CCSER1: variants seen among roughly 807,000 people sequenced by gnomAD.
CCSER1 encodes the protein coiled-coil serine rich protein 1, also known as serine-rich coiled-coil domain-containing protein 1.
CCSER1 carries 41 observed loss-of-function variants against 82.0 expected under a neutral mutation model. The ratio of observed to expected loss-of-function variants is 0.50; its 90% CI spans 0.39 to 0.65. The LOEUF (loss-of-function observed/expected upper bound fraction) is 0.65, where lower values mean the gene tolerates loss of function less well. CCSER1 is among the 30% of genes least tolerant of loss of function. CCSER1 has a pLI of 0.00. For missense variants in CCSER1, 1,119 were observed against 1,064.2 expected, an observed-to-expected ratio of 1.05 and a Z score of -0.72; for synonymous variants, 414 against 383.9, an observed-to-expected ratio of 1.08 and a Z score of -0.92.
At chr4:90,381,564 C>T (rs1233114916) in intron 3 of CCSER1, among the ~76,000 whole-genome samples, 1 of 151,812 alleles carries the variant, frequency 6.6e-6, no homozygotes, top group East Asian at 1.9e-4. Context: ...CATAGAATAC[C>T]ATGGTGTACA....
chr4:90,998,710 T>G (rs1270324948), intron 9 of CCSER1, among the ~76,000 whole-genome samples: 1 of 135,064 alleles, frequency 7.4e-6, no homozygotes, highest in African/African-American at 2.7e-5. Context: ...TAAATCTAAT[T>G]TAGCATTACA....
chr4:90,835,827 C>T (rs879649405), intron 8 of CCSER1, among the ~76,000 whole-genome samples: 2 of 152,102 alleles, frequency 1.3e-5, no homozygotes, highest in South Asian at 2.1e-4. Context: ...GAGACTTTTG[C>T]TGCAGTCTAC....
chr4:90,228,904 G>C (rs1743833010), intron 1 of CCSER1, among the ~76,000 whole-genome samples: 1 of 152,180 alleles, frequency 6.6e-6, no homozygotes, highest in African/African-American at 2.4e-5. Flanking sequence ...AATGAAGCAA[G>C]AAGGGAACTT....
chr4:90,930,083 A>G (rs1022466677), intron 9 of CCSER1, among the ~76,000 whole-genome samples: 10 of 152,212 alleles, frequency 6.6e-5, no homozygotes, highest in Non-Finnish European at 2.9e-5. Context: ...AATAGTAATA[A>G]TAGATATCAT....
At chr4:90,816,063 G>A (rs1391577049) in intron 8 of CCSER1, among the ~76,000 whole-genome samples, 1 of 152,132 alleles carries the variant, frequency 6.6e-6, no homozygotes, top group Non-Finnish European at 1.5e-5. Context: ...AAATGTATAT[G>A]GTTCCAGAAA....
At chr4:91,502,433 C>A (rs1759257164) in intron 10 of CCSER1, among the ~76,000 whole-genome samples, 1 of 152,066 alleles carries the variant, frequency 6.6e-6, no homozygotes, top group Admixed American at 6.6e-5. Context: ...CAAACATATT[C>A]TTGGCATATA....
intron 1 of CCSER1, among the ~76,000 whole-genome samples, chr4:90,137,269 A>G (rs1049295308): frequency 6.6e-6 from 1 of 152,238 alleles, no homozygotes; most frequent in South Asian, 2.1e-4. Context: ...AAACATTATG[A>G]CTAAAATTGT....
intron 8 of CCSER1, among the ~76,000 whole-genome samples, chr4:90,912,735 C>A (rs1032441583): frequency 6.6e-6 from 1 of 151,980 alleles, no homozygotes; most frequent in Non-Finnish European, 1.5e-5. Context: ...AGTTAAAAAC[C>A]TTGAAAAAAG....
At chr4:90,253,393 A>G (rs1165318930) in intron 1 of CCSER1, among the ~76,000 whole-genome samples, 3 of 152,132 alleles carry the variant, frequency 2.0e-5, no homozygotes, top group South Asian at 2.1e-4. Flanking sequence ...TGTGCTAGCA[A>G]TGAATTCTGT....
chr4:90,442,361 C>T (rs2153573380), intron 4 of CCSER1, among the ~76,000 whole-genome samples: 1 of 152,072 alleles, frequency 6.6e-6, no homozygotes, highest in East Asian at 1.9e-4. Context: ...TACTGGTGAA[C>T]TCTAGGATTG....
At chr4:90,585,385 T>G (rs191847948) in intron 5 of CCSER1, among the ~76,000 whole-genome samples, 1,659 of 152,292 alleles carry the variant, frequency 0.011, 15 homozygotes, top group Non-Finnish European at 0.016. Context: ...ACATGATAGT[T>G]AAATCTTGAT....
chr4:91,489,326 G>A (rs879027972), intron 10 of CCSER1, among the ~76,000 whole-genome samples: 1 of 152,136 alleles, frequency 6.6e-6, no homozygotes. Context: ...ATTTTATTCT[G>A]AGTAATACGG....
intron 9 of CCSER1, among the ~76,000 whole-genome samples, chr4:90,937,480 A>AAAACACACACACACAC (rs1731083859): frequency 6.8e-6 from 1 of 146,034 alleles, no homozygotes; most frequent in East Asian, 2.0e-4. Flanking sequence ...TCTAATTTGA[A>AAAACACACACACACAC]ACACACACAC....
At chr4:90,493,431 C>T (rs1022641623) in intron 5 of CCSER1, among the ~76,000 whole-genome samples, 10 of 152,014 alleles carry the variant, frequency 6.6e-5, no homozygotes, top group African/African-American at 1.4e-4. Flanking sequence ...AGATACTCCT[C>T]GAGAAGAGCA....
At chr4:90,879,488 G>GGAA (rs35201115) in intron 8 of CCSER1, among the ~76,000 whole-genome samples, 14 of 122,624 alleles carry the variant, frequency 1.1e-4, no homozygotes, top group East Asian at 4.2e-4. Context: ...TAATAAAAGA[G>GGAA]GAAGAAGAAG....
intron 9 of CCSER1, among the ~76,000 whole-genome samples, chr4:91,051,359 CA>C (rs1742990800): frequency 6.6e-6 from 1 of 152,106 alleles, no homozygotes; most frequent in Non-Finnish European, 1.5e-5. Flanking sequence ...TTAAATTTAA[CA>C]GAATAATTTT....
intron 10 of CCSER1, among the ~76,000 whole-genome samples, chr4:91,162,103 C>T (rs576228157): frequency 2.0e-5 from 3 of 152,094 alleles, no homozygotes; most frequent in Non-Finnish European, 2.9e-5. Context: ...GAGATACATT[C>T]CATCAATACC....
intron 9 of CCSER1, among the ~76,000 whole-genome samples, chr4:90,991,950 C>G (rs1737070327): frequency 6.6e-6 from 1 of 150,610 alleles, no homozygotes. Context: ...ATTGACAAAT[C>G]TAAAGAATGC....
At chr4:90,255,643 A>G (rs1196162511) in intron 1 of CCSER1, among the ~76,000 whole-genome samples, 1 of 151,038 alleles carries the variant, frequency 6.6e-6, no homozygotes, top group East Asian at 1.9e-4. Flanking sequence ...AAGTTTTACA[A>G]AAACTACTGA....
Sources: allele counts gnomAD v4.1 joint callset (sites outside exome capture counted in the v4.1 genomes callset), GRCh38; gene constraint gnomAD v4.1.1; transcripts MANE v1.5; gene names NCBI Gene and HGNC (gene_info 2026-07-23, HGNC 2026-07-21).